Variants in AGO3 observed in about 807,000 individuals in gnomAD.
The protein encoded by AGO3 is protein argonaute-3.
In AGO3, 16 loss-of-function variants were observed where a neutral mutation model predicts 105.5. The observed-to-expected ratio is 0.15, with a 90% CI of 0.10 to 0.23. AGO3 has a LOEUF of 0.23. Ranked by LOEUF, AGO3 falls within the 10% of genes least tolerant of loss-of-function variation. The pLI is 1.00. For missense variants in AGO3, 534 were observed against 1,088.0 expected, an observed-to-expected ratio of 0.49 and a Z score of 7.16; for synonymous variants, 340 against 367.3, an observed-to-expected ratio of 0.93 and a Z score of 0.85.
rs1165674643 is a variant in AGO3 at position 35,972,206 on chromosome 1, G to C, written c.495G>C (p.Val165=). The C allele has an allele frequency of 6.2e-7, 1 of 1,613,848 alleles. No individual in the cohort carries two copies. Among genetic ancestry groups the C allele is most frequent in the Non-Finnish European group, 8.5e-7 (1 of 1,180,000 alleles). The change falls in exon 4 of 19, where the codon GTG becomes GTC. Residue 165 remains valine, a synonymous_variant. Transcript: ENST00000373191. ...ISTNPVHAVD[V]VLRHLPSMKY... ...CTAACCCTGTCCATGCCGTTGATGT[G>C]GTGCTACGACATCTGCCCTCCATGA...
At chr1:35,946,429 G>C (rs1400237322) in intron 2 of AGO3, among the ~76,000 whole-genome samples, 1 of 151,942 alleles carries the variant, frequency 6.6e-6, no homozygotes, top group African/African-American at 2.4e-5. Context: ...ATGTGGTTTC[G>C]GTAATACAGG....
At chr1:35,970,464 A>G (rs1204202729) in intron 3 of AGO3, among the ~76,000 whole-genome samples, 2 of 152,106 alleles carry the variant, frequency 1.3e-5, no homozygotes, top group Non-Finnish European at 2.9e-5. Flanking sequence ...GCTCAGTCCT[A>G]CAGTACATAT....
chr1:35,946,136 A>G lies in AGO3; in HGVS notation c.191+273A>G, dbSNP rs6665591. Among the ~76,000 whole-genome samples the G allele has an allele frequency of 0.23, 34,791 of 152,138 alleles. 6,505 individuals carry two copies. Among genetic ancestry groups the G allele is most frequent in the East Asian group, 0.69 (3,566 of 5,174 alleles). On this transcript the variant is annotated intron_variant, in intron 2 of 18. Coordinates refer to ENST00000373191, the MANE Select transcript of AGO3 (RefSeq NM_024852.4). ...TGCTCCTGAAATCAGGCTGCACATC[A>G]TGAGCACATCATTTTCCTTGCTGTT...
chr1:36,022,979 G>C lies in AGO3; in HGVS notation c.1407-4135G>C, dbSNP rs182474285. On this transcript the variant is annotated intron_variant, in intron 11 of 18. Coordinates refer to ENST00000373191, the MANE Select transcript of AGO3 (RefSeq NM_024852.4). ...AAGAGAAACAAAGGGCATAGACATA[G>C]AGCACAAAAATCTCTGTGAATTTCC... is the stretch of plus-strand genomic sequence containing the variant. Among the ~76,000 whole-genome samples, 232 of 149,848 alleles carry C rather than the reference G, an allele frequency of 1.5e-3. 4 individuals are homozygous for C. The highest frequency in any genetic ancestry group is 1.8e-4 in the Non-Finnish European group (12 of 67,774).
intron 5 of AGO3, among the ~76,000 whole-genome samples, chr1:35,993,785 T>C (rs1416307593): frequency 7.2e-6 from 1 of 139,754 alleles, no homozygotes; most frequent in Non-Finnish European, 1.5e-5. Context: ...TCTTGCTCTG[T>C]CGCCCAGGCT....
chr1:36,040,737 TTC>T (rs1442473910), intron 16 of AGO3, among the ~76,000 whole-genome samples: 5 of 152,156 alleles, frequency 3.3e-5, no homozygotes, highest in African/African-American at 1.2e-4. Flanking sequence ...AAACAGTACA[TTC>T]TCTTTTTAAA....
At chr1:36,046,510 G>A (rs1642476341) in intron 17 of AGO3, among the ~76,000 whole-genome samples, 1 of 151,464 alleles carries the variant, frequency 6.6e-6, no homozygotes, top group African/African-American at 2.4e-5. Context: ...TGGCCAACAT[G>A]GTGGAACCCT....
At chr1:36,025,411 A>G (rs1405553952) in intron 11 of AGO3, among the ~76,000 whole-genome samples, 12 of 151,838 alleles carry the variant, frequency 7.9e-5, no homozygotes, top group Admixed American at 1.3e-4. Flanking sequence ...AAAGGCCAAA[A>G]AAAAAAAAAA....
chr1:36,009,534 C>T lies in AGO3; in HGVS notation c.1089C>T (p.Ser363=), dbSNP rs1640492619. Residue 363 remains serine (S), a synonymous_variant, in exon 9 of 19, where the codon TCC becomes TCT. Transcript: ENST00000373191. ...AGAAGCTAACAGACAATCAGACTTC[C>T]ACTATGATCAAGGCAACAGCAAGAT... is the stretch of plus-strand genomic sequence containing the variant. ...CIKKLTDNQT[S]TMIKATARSA... The T allele has an allele frequency of 6.2e-7, 1 of 1,613,566 alleles. No homozygotes were observed. The highest frequency in any genetic ancestry group is 1.7e-5 in the Admixed American group (1 of 59,956).
chr1:35,940,581 C>T (rs1281813645), intron 1 of AGO3, among the ~76,000 whole-genome samples: 2 of 152,080 alleles, frequency 1.3e-5, no homozygotes, highest in African/African-American at 4.8e-5. Context: ...TTCCTGTAAA[C>T]TGCTAGTGGA....
chr1:36,034,573 G>A (rs1641922487), intron 13 of AGO3, among the ~76,000 whole-genome samples: 1 of 152,112 alleles, frequency 6.6e-6, no homozygotes. Flanking sequence ...ATGAAGCAAA[G>A]CAACAAAAGC....
chr1:36,006,714 T>G (rs1203677407), intron 6 of AGO3, among the ~76,000 whole-genome samples: 2 of 152,190 alleles, frequency 1.3e-5, no homozygotes, highest in Non-Finnish European at 2.9e-5. Flanking sequence ...ATCTGACATT[T>G]TTGTCTTATA....
At chr1:36,050,895 T>A (rs545496103) in intron 17 of AGO3, among the ~76,000 whole-genome samples, 1 of 152,178 alleles carries the variant, frequency 6.6e-6, no homozygotes, top group East Asian at 1.9e-4. Flanking sequence ...GGTGAGATCA[T>A]GGCTCACAGG....
At chr1:35,956,236 A>G (rs1318503084) in intron 2 of AGO3, among the ~76,000 whole-genome samples, 3 of 152,202 alleles carry the variant, frequency 2.0e-5, no homozygotes, top group Admixed American at 6.5e-5. Context: ...AAGGATAGAG[A>G]TAAGAATGGC....
chr1:36,000,972 A>G (rs1640056334), intron 5 of AGO3, among the ~76,000 whole-genome samples: 1 of 152,134 alleles, frequency 6.6e-6, no homozygotes. Context: ...GTGGTGGCTC[A>G]CGCCTGTAAT....
At position 36,064,477 on chromosome 1, in the gene AGO3, CT is replaced by C. The variant is rs1439364464; in HGVS notation, c.*8734del. On this transcript the variant is annotated 3_prime_UTR_variant, in exon 19 of 19. Transcript: ENST00000373191. ...ATTGTATTTTTACATCATGAATTTG[CT>C]TGTTAAGAAATTTCTTTTCTGTAAG... 1 of 152,062 alleles carries C rather than the reference CT, an allele frequency of 6.6e-6. No homozygotes were observed. Among genetic ancestry groups the C allele is most frequent in the Admixed American group, 6.5e-5 (1 of 15,270 alleles). The allele number at this position is 152,062 out of a possible 1,614,324, so 9.4% of individuals were successfully genotyped here. A position where few individuals can be genotyped will look rare whatever the true frequency, so the allele number is the denominator to read the frequency against.
intron 5 of AGO3, among the ~76,000 whole-genome samples, chr1:35,983,742 T>C (rs1647103851): frequency 6.6e-6 from 1 of 152,246 alleles, no homozygotes; most frequent in South Asian, 2.1e-4. Context: ...TTCAGAGTAC[T>C]GACTCTGAGT....
At chr1:36,039,717 A>G in intron 14 of AGO3, 73 bp from the exon 15 acceptor site, 1 of 1,055,690 alleles carries the variant, frequency 9.5e-7, no homozygotes, top group Non-Finnish European at 1.2e-6. Flanking sequence ...AAAAATGTAA[A>G]TGAAATTCAT....
chr1:35,944,476 A>T (rs1646321325), intron 1 of AGO3, among the ~76,000 whole-genome samples: 1 of 148,620 alleles, frequency 6.7e-6, no homozygotes, highest in African/African-American at 2.5e-5. Context: ...CACTTCTGTT[A>T]TTAGTTAAGC....
Sources: allele counts gnomAD v4.1 joint callset (sites outside exome capture counted in the v4.1 genomes callset), GRCh38; gene constraint gnomAD v4.1.1; transcripts MANE v1.5; gene names NCBI Gene and HGNC (gene_info 2026-07-23, HGNC 2026-07-21).